AOC2: variants seen among roughly 807,000 people sequenced by gnomAD.
AOC2 encodes amine oxidase copper containing 2.
AOC2 carries 57 observed loss-of-function variants against 53.8 expected under a neutral mutation model. The ratio of observed to expected loss-of-function variants is 1.06; its 90% CI spans 0.86 to 1.32. AOC2 has a LOEUF of 1.32. Ranked by LOEUF, AOC2 falls within the 40% of genes most tolerant of loss-of-function variation. The pLI is 0.00. For synonymous variants in AOC2, 404 were observed against 399.0 expected, an observed-to-expected ratio of 1.01 and a Z score of -0.15; for missense variants, 1,008 against 957.2, an observed-to-expected ratio of 1.05 and a Z score of -0.70.
In AOC2 at chr17:42,846,026, ACAT is replaced by A; in HGVS notation, c.1401_1403del (p.Ile468del). 6.2e-7 allele frequency: 1 copy of A among 1,613,206 alleles called. No individual in the cohort carries two copies. Among genetic ancestry groups the A allele is most frequent in the Non-Finnish European group, 8.5e-7 (1 of 1,179,258 alleles). On this transcript the variant is annotated inframe_deletion, in exon 1 of 4. Coordinates refer to ENST00000253799, the MANE Select transcript of AOC2 (RefSeq NM_009590.4). ...GTGTCATCTGTGGGCAACTATGACT[ACAT>A]TTGGGACTTTGTGTTGTACCCAAAT...
Position 42,847,515 on chromosome 17 carries a change from A to G in AOC2, c.1588+1301A>G, listed in dbSNP as rs748487573. On this transcript the variant is annotated intron_variant, in intron 1 of 3. Transcript: ENST00000253799. Reference sequence around the variant, plus strand: ...TTCCAAGGAACTCCCAGACAAAGGTATGAATGTGCTTGCTTCTGAAAAACA... The same window carrying G: ...TTCCAAGGAACTCCCAGACAAAGGTGTGAATGTGCTTGCTTCTGAAAAACA... 3.1e-4 allele frequency among the ~76,000 whole-genome samples: 47 copies of G among 152,358 alleles called. 1 individual carries two copies. The highest frequency in any genetic ancestry group is 9.8e-4 in the Admixed American group (15 of 15,306).
chr17:42,850,253 G>C lies in AOC2; in HGVS notation c.2176G>C (p.Asp726His), dbSNP rs780441544. The change falls in exon 4 of 4, where the codon GAT (aspartate) becomes CAT (histidine). Residue 726 changes from aspartate to histidine, a missense_variant. Asp to His is a moderately conservative substitution (Grantham distance 81, BLOSUM62 -1). Coordinates refer to ENST00000253799, the MANE Select transcript of AOC2 (RefSeq NM_009590.4). ...CAGTGTCTACTTTGAGAAGGGCCAG[G>C]ATGCTGGGCTCTGCAGCATCAATCC... ...PGSVYFEKGQDAGLCSINPVA... is the reference protein window; with the variant it reads ...PGSVYFEKGQHAGLCSINPVA... 18 of 1,614,158 alleles carry C rather than the reference G, an allele frequency of 1.1e-5. No homozygotes were observed. Among genetic ancestry groups the C allele is most frequent in the Non-Finnish European group, 1.5e-5 (18 of 1,180,034 alleles).
In AOC2 at chr17:42,850,515, C is replaced by T; in HGVS notation, c.*167C>T. ...CTTTGGTTAATTCTTACTTCCTGTTCATCTCTAAAGTGTTAAATTATAAAA... is the reference window on the plus strand; with the variant it reads ...CTTTGGTTAATTCTTACTTCCTGTTTATCTCTAAAGTGTTAAATTATAAAA... On this transcript the variant is annotated 3_prime_UTR_variant, in exon 4 of 4. Transcript: ENST00000253799. The T allele has an allele frequency of 1.4e-6, 1 of 697,742 alleles. No homozygotes were observed. The highest frequency in any genetic ancestry group is 2.2e-6 in the Non-Finnish European group (1 of 450,186). The allele number at this position is 697,742 out of a possible 1,614,324, so 43.2% of individuals were successfully genotyped here.
chr17:42,850,029 TG>T (rs2055638115), intron 3 of AOC2, 52 bp from the exon 4 acceptor site: 7 of 1,578,924 alleles, frequency 4.4e-6, no homozygotes, highest in Non-Finnish European at 4.3e-6. Context: ...GACTGAAGGG[TG>T]GTTCTTTGGG....
chr17:42,845,043 G>A lies in AOC2; in HGVS notation c.417G>A (p.Val139=), dbSNP rs2055580898. 1 of 1,613,788 alleles carries A rather than the reference G, an allele frequency of 6.2e-7. No individual in the cohort carries two copies. Among genetic ancestry groups the A allele is most frequent in the Non-Finnish European group, 8.5e-7 (1 of 1,180,018 alleles). The change falls in exon 1 of 4, where the codon GTG becomes GTA. Residue 139 remains valine, a synonymous_variant. Coordinates refer to ENST00000253799, the MANE Select transcript of AOC2 (RefSeq NM_009590.4). ...QPQPNVSELV[V]GPLPHPSYMR... ...AACCCAATGTGAGTGAGCTGGTGGT[G>A]GGGCCGCTGCCTCACCCCTCGTACA...
Position 42,849,289 on chromosome 17 carries a change from G to A in AOC2, c.1792G>A (p.Gly598Arg), listed in dbSNP as rs768607078. The stretch of plus-strand genomic sequence containing the variant: ...GACTAATGCGTGGGGTCACCAGCGC[G>A]GGTACCGAATCCAGATCCACAGCCC... ...NQTNAWGHQR[G>R]YRIQIHSPLG... Residue 598 changes from glycine to arginine, a missense_variant, in exon 2 of 4, where the codon GGG becomes AGG. By Grantham distance (125) the Gly-to-Arg change is moderately radical. Coordinates refer to ENST00000253799, the MANE Select transcript of AOC2 (RefSeq NM_009590.4). 1.4e-5 allele frequency: 23 copies of A among 1,613,998 alleles called. No individual in the cohort carries two copies. Among genetic ancestry groups the A allele is most frequent in the East Asian group, 2.2e-5 (1 of 44,888 alleles).
Position 42,844,975 on chromosome 17 carries a change from GC to G in AOC2, c.352del (p.Arg118GlyfsTer17). 6.2e-7 allele frequency: 1 copy of G among 1,611,072 alleles called. No individual in the cohort carries two copies. The highest frequency in any genetic ancestry group is 8.5e-7 in the Non-Finnish European group (1 of 1,178,014). On this transcript the variant is annotated frameshift_variant, in exon 1 of 4. Transcript: ENST00000253799. LOFTEE classifies it high-confidence loss of function. ...CCTGGACAGGGGGAGCCCCCCACCT[GC>G]CCGGGAGGCACTGGCCATCGTCCTC... is the stretch of plus-strand genomic sequence containing the variant. ...AHLDRGSPPP[A>X]REALAIVLFG...
At chr17:42,848,100 G>A (rs1413273118) in intron 1 of AOC2, among the ~76,000 whole-genome samples, 2 of 123,142 alleles carry the variant, frequency 1.6e-5, no homozygotes, top group Admixed American at 8.9e-5. Context: ...TTAAGAGGCA[G>A]TGTTTCATTC....
Position 42,850,322 on chromosome 17 carries a change from C to T in AOC2, c.2245C>T (p.Pro749Ser), listed in dbSNP as rs536168385. ...CCTGGCAGCCTGTGTCCCGGACTTA[C>T]CCCCTTTCTCTTACCACGGCTTCTA... Reference protein sequence around the residue: ...PDLAACVPDLPPFSYHGF With the variant: ...PDLAACVPDLSPFSYHGF Residue 749 changes from proline to serine, a missense_variant, in exon 4 of 4, where the codon CCC becomes TCC. Transcript: ENST00000253799. 1.9e-6 allele frequency: 3 copies of T among 1,603,154 alleles called. No homozygotes were observed. The highest frequency in any genetic ancestry group is 2.2e-5 in the South Asian group (2 of 90,796).
At position 42,849,604 on chromosome 17, in the gene AOC2, C is replaced by A. The variant is rs1423324420; in HGVS notation, c.1878C>A (p.Tyr626Ter). 1.9e-6 allele frequency: 3 copies of A among 1,614,192 alleles called. No individual in the cohort carries two copies. Among genetic ancestry groups the A allele is most frequent in the Non-Finnish European group, 2.5e-6 (3 of 1,180,036 alleles). The change falls in exon 3 of 4, where the codon TAC (tyrosine) becomes TAA (stop). Residue 626 changes from tyrosine to a stop codon, truncating the protein, a stop_gained. Transcript: ENST00000253799. LOFTEE classifies it high-confidence loss of function. ...DMERALSWGR[Y>*]QLVVTQRKEE... ...CCTTCTTATGATTCCTGGCCAGATA[C>A]CAGCTTGTGGTGACCCAGAGAAAGG...
chr17:42,849,551 T>G, intron 2 of AOC2, 50 bp from the exon 3 acceptor site: 1 of 1,613,904 alleles, frequency 6.2e-7, no homozygotes, highest in Non-Finnish European at 8.5e-7. Context: ...CCTGGGCCAG[T>G]AAAGGCACTT....
chr17:42,850,480 C>G lies in AOC2; in HGVS notation c.*132C>G. On this transcript the variant is annotated 3_prime_UTR_variant, in exon 4 of 4. Transcript: ENST00000253799. ...TCAATGTTCCTCTCACACGAAACCCCCATCAGTCCCTTTGGTTAATTCTTA... is the reference window on the plus strand; with the variant it reads ...TCAATGTTCCTCTCACACGAAACCCGCATCAGTCCCTTTGGTTAATTCTTA... The G allele has an allele frequency of 9.4e-7, 1 of 1,068,300 alleles. No homozygotes were observed. Among genetic ancestry groups the G allele is most frequent in the Non-Finnish European group, 1.3e-6 (1 of 762,504 alleles). 66.2% of individuals were successfully genotyped at this position (1,068,300 alleles called of 1,614,324 possible).
intron 3 of AOC2, 74 bp downstream of exon 3, chr17:42,849,804 G>A: frequency 1.9e-6 from 3 of 1,597,858 alleles, no homozygotes; most frequent in Non-Finnish European, 2.6e-6. Context: ...TCTGGCCAAA[G>A]GTTAGAGGGA....
rs753879900 is a variant in AOC2 at position 42,849,331 on chromosome 17, C to G, written c.1834C>G (p.Pro612Ala). 1.2e-6 allele frequency: 2 copies of G among 1,613,984 alleles called. No individual in the cohort carries two copies. The highest frequency in any genetic ancestry group is 2.2e-5 in the East Asian group (1 of 44,894). ...CCACAGCCCCCTTGGCATACACATA[C>G]CCCTGGAGAGTGACATGGAGAGGGC... Reference protein sequence around the residue: ...QIHSPLGIHIPLESDMERALS... With the variant: ...QIHSPLGIHIALESDMERALS... The change falls in exon 2 of 4, where the codon CCC becomes GCC. Residue 612 changes from proline (P) to alanine (A), a missense_variant. Coordinates refer to ENST00000253799, the MANE Select transcript of AOC2 (RefSeq NM_009590.4).
chr17:42,849,880 C>A (rs1567687359), intron 3 of AOC2, 150 bp downstream of exon 3: 1 of 1,285,684 alleles, frequency 7.8e-7, no homozygotes, highest in Non-Finnish European at 1.1e-6. Context: ...ACAGGTCATC[C>A]CTCCTGGGGT....
intron 2 of AOC2, 65 bp downstream of exon 2, chr17:42,849,436 A>G (rs1660400336): frequency 1.3e-6 from 2 of 1,583,126 alleles, no homozygotes; most frequent in Non-Finnish European, 1.7e-6. Context: ...GTCCTTGGAG[A>G]CAAACTCCCT....
Position 42,845,879 on chromosome 17 carries a change from T to C in AOC2, c.1253T>C (p.Leu418Pro). ...TTAGTGGGCAAAGGGGCAGTCCAGCTGCTTCCAGGGGCTGTGTGTGTATTT... is the reference window on the plus strand; with the variant it reads ...TTAGTGGGCAAAGGGGCAGTCCAGCCGCTTCCAGGGGCTGTGTGTGTATTT... ...HILVGKGAVQ[L>P]LPGAVCVFEE... Residue 418 changes from leucine to proline, a missense_variant, in exon 1 of 4, where the codon CTG (leucine) becomes CCG (proline). Physicochemically the swap from Leu to Pro is moderately conservative, Grantham distance 98 (BLOSUM62 -3). Transcript: ENST00000253799. 7 of 1,614,146 alleles carry C rather than the reference T, an allele frequency of 4.3e-6. No individual in the cohort carries two copies. Among genetic ancestry groups the C allele is most frequent in the Non-Finnish European group, 5.9e-6 (7 of 1,180,024 alleles).
In AOC2 at chr17:42,845,630, A is replaced by G. The variant is rs747956975; in HGVS notation, c.1004A>G (p.His335Arg). 1 of 1,614,198 alleles carries G rather than the reference A, an allele frequency of 6.2e-7. No individual in the cohort carries two copies. Among genetic ancestry groups the G allele is most frequent in the South Asian group, 1.1e-5 (1 of 91,082 alleles). The change falls in exon 1 of 4, where the codon CAT (histidine) becomes CGT (arginine). Residue 335 changes from histidine (H) to arginine (R), a missense_variant. Transcript: ENST00000253799. ...TCCCTCTGGTCATTTACCTTTGGCC[A>G]TGGGGTGTTCAGCGGCCTGAGGATT... is the stretch of plus-strand genomic sequence containing the variant. Reference protein sequence around the residue: ...VSSLWSFTFGHGVFSGLRIFD... With the variant: ...VSSLWSFTFGRGVFSGLRIFD...
Position 42,849,212 on chromosome 17 carries a change from C to G in AOC2, c.1715C>G (p.Ala572Gly), listed in dbSNP as rs1220195361. The G allele has an allele frequency of 1.2e-6, 2 of 1,614,078 alleles. No individual in the cohort carries two copies. The highest frequency in any genetic ancestry group is 2.7e-5 in the African/African-American group (2 of 74,924). The change falls in exon 2 of 4, where the codon GCT (alanine) becomes GGT (glycine). Residue 572 changes from alanine to glycine, a missense_variant. By Grantham distance (60) the Ala-to-Gly change is moderately conservative. Coordinates refer to ENST00000253799, the MANE Select transcript of AOC2 (RefSeq NM_009590.4). ...GTCCTGGGAAAGGAGGACCTGACAGCTTTTTCCTTGGGAAGCCCCCTACCC... is the reference window on the plus strand; with the variant it reads ...GTCCTGGGAAAGGAGGACCTGACAGGTTTTTCCTTGGGAAGCCCCCTACCC... The part of the protein sequence containing the change: ...RQVLGKEDLT[A>G]FSLGSPLPRY...
Sources: gnomAD v4.1 joint callset for allele counts (sites outside exome capture counted in the v4.1 genomes callset) on GRCh38, gnomAD v4.1.1 for gene constraint, MANE v1.5 for transcripts, NCBI Gene and HGNC (gene_info 2026-07-23, HGNC 2026-07-21) for gene names.